Variants in UNC5B observed in about 807,000 individuals in gnomAD.
UNC5B encodes the protein unc-5 netrin receptor B.
A neutral mutation model predicts 103.7 loss-of-function variants in UNC5B; 56 were observed. The observed-to-expected ratio is 0.54, with a 90% CI of 0.44 to 0.67. The LOEUF is 0.67. Ranked by LOEUF, UNC5B falls within the 30% of genes least tolerant of loss-of-function variation. The probability of loss-of-function intolerance (pLI) is 0.00; values close to 1 mark genes in which losing one functional copy is unlikely to be tolerated. For missense variants in UNC5B, 1,194 were observed against 1,284.5 expected (o/e 0.93, Z 1.08); for synonymous variants, 577 against 542.0 (o/e 1.06, Z -0.90).
intron 1 of UNC5B, among the ~76,000 whole-genome samples, chr10:71,271,417 G>T (rs751989672): frequency 1.2e-4 from 19 of 152,192 alleles, no homozygotes; most frequent in Non-Finnish European, 2.6e-4. Flanking sequence ...GAGAAGAAGG[G>T]GAAACAGAAT....
chr10:71,263,772 C>T (rs1589175496), intron 1 of UNC5B, among the ~76,000 whole-genome samples: 2 of 152,260 alleles, frequency 1.3e-5, no homozygotes, highest in East Asian at 3.9e-4. Context: ...AGCAAATGAC[C>T]ATCCCCTCTC....
chr10:71,249,459 G>A (rs760412247), intron 1 of UNC5B, among the ~76,000 whole-genome samples: 1 of 152,258 alleles, frequency 6.6e-6, no homozygotes, highest in East Asian at 1.9e-4. Flanking sequence ...AACCCTATGT[G>A]TGAGTGTATA....
chr10:71,296,734 C>G lies in UNC5B; in HGVS notation c.2482C>G (p.Leu828Val), dbSNP rs1223844745. The G allele has an allele frequency of 6.2e-7, 1 of 1,605,802 alleles. No homozygotes were observed. ...EGQIFQLHTT[L>V]AETPAGSLDT... ...CCAGATATTCCAGCTGCATACCACT[C>G]TGGCAGAGGTGAGGGAAGTCGGGGC... Residue 828 changes from leucine (L) to valine (V), a missense_variant, in exon 15 of 17, where the codon CTG becomes GTG. Leu to Val is a conservative substitution (Grantham distance 32). Transcript: ENST00000335350.
rs1281848221 is a variant in UNC5B at position 71,291,658 on chromosome 10, G to A, written c.1521G>A (p.Pro507=). 6 of 1,613,764 alleles carry A rather than the reference G, an allele frequency of 3.7e-6. No homozygotes were observed. The highest frequency in any genetic ancestry group is 2.2e-5 in the East Asian group (1 of 44,882). ...ADGADLLGVL[P]PGTYPSDFAR... is the part of the protein sequence containing the mutation. ...GGGCTGACCTGCTGGGGGTCTTGCCGCCTGGCACATACCCTAGCGATTTCG... is the reference window on the plus strand; with the variant it reads ...GGGCTGACCTGCTGGGGGTCTTGCCACCTGGCACATACCCTAGCGATTTCG... Residue 507 remains proline (P), a synonymous_variant, in exon 10 of 17, where the codon CCG becomes CCA. Coordinates refer to ENST00000335350, the MANE Select transcript of UNC5B (RefSeq NM_170744.5).
At chr10:71,279,031 T>C (rs112175975) in intron 1 of UNC5B, among the ~76,000 whole-genome samples, 4 of 152,282 alleles carry the variant, frequency 2.6e-5, no homozygotes, top group African/African-American at 9.6e-5. Context: ...GGCCAGGATT[T>C]CCATCTGGCC....
chr10:71,293,664 CTG>C (rs779870811), intron 12 of UNC5B, 34 bp from the exon 13 acceptor site: 35 of 1,601,622 alleles, frequency 2.2e-5, no homozygotes, highest in Non-Finnish European at 3.0e-5. Context: ...GCCTGAATAA[CTG>C]TGACCACTAC....
intron 1 of UNC5B, among the ~76,000 whole-genome samples, chr10:71,271,159 G>A (rs577953576): frequency 2.0e-4 from 31 of 152,338 alleles, no homozygotes; most frequent in African/African-American, 6.7e-4. Context: ...CAGCAAGCTA[G>A]GGAGCTCCTG....
intron 1 of UNC5B, among the ~76,000 whole-genome samples, chr10:71,255,448 A>G (rs1017259617): frequency 6.6e-6 from 1 of 152,162 alleles, no homozygotes; most frequent in Non-Finnish European, 1.5e-5. Flanking sequence ...CAGACTTCCA[A>G]ATGTCACCGG....
At chr10:71,215,463 C>G (rs910123564) in intron 1 of UNC5B, among the ~76,000 whole-genome samples, 2 of 152,164 alleles carry the variant, frequency 1.3e-5, no homozygotes, top group African/African-American at 4.8e-5. Context: ...CTCCTTTTCC[C>G]CACCCCACCC....
chr10:71,253,523 A>G (rs967391217), intron 1 of UNC5B, among the ~76,000 whole-genome samples: 2 of 152,180 alleles, frequency 1.3e-5, no homozygotes, highest in Non-Finnish European at 2.9e-5. Flanking sequence ...ACTGCTCCCC[A>G]GCATTGTTTT....
chr10:71,263,354 G>A (rs912000994), intron 1 of UNC5B, among the ~76,000 whole-genome samples: 1 of 152,186 alleles, frequency 6.6e-6, no homozygotes, highest in Non-Finnish European at 1.5e-5. Flanking sequence ...CAAGCCTGAG[G>A]TTTTGAGGAG....
chr10:71,298,145 CA>C, intron 16 of UNC5B, 55 bp downstream of exon 16: 1 of 1,525,394 alleles, frequency 6.6e-7, no homozygotes, highest in Non-Finnish European at 8.8e-7. Context: ...CAAGGTCTCA[CA>C]GGGGCAGGCA....
chr10:71,263,405 C>T (rs1844457155), intron 1 of UNC5B, among the ~76,000 whole-genome samples: 1 of 152,142 alleles, frequency 6.6e-6, no homozygotes, highest in Non-Finnish European at 1.5e-5. Context: ...CGGGATGCCC[C>T]TGATGACTGA....
chr10:71,290,341 T>A (rs1303215968), intron 8 of UNC5B, among the ~76,000 whole-genome samples: 1 of 152,134 alleles, frequency 6.6e-6, no homozygotes. Flanking sequence ...CCTGGGCCCA[T>A]CCTTCTTCCC....
chr10:71,281,343 T>A (rs77961850), intron 2 of UNC5B, among the ~76,000 whole-genome samples: 1 of 84,974 alleles, frequency 1.2e-5, no homozygotes, highest in Non-Finnish European at 2.2e-5. Flanking sequence ...GAAAAAGGAA[T>A]TTTTTTTTTT....
chr10:71,224,364 GACACACACACACACACAC>G (rs58378731), intron 1 of UNC5B, among the ~76,000 whole-genome samples: 74 of 97,348 alleles, frequency 7.6e-4, no homozygotes, highest in Middle Eastern at 5.1e-3. Flanking sequence ...TCTGTATGTA[GACACACACACACACACAC>G]ACACACACAC....
rs553386049 is a variant in UNC5B at position 71,271,109 on chromosome 10, G to A, written c.80-8712G>A. The stretch of plus-strand genomic sequence containing the variant: ...GGGGCAGGTCCACAGAGCAAGGGAA[G>A]CCAAGTGCTGGAGTCAGGAAGCTGA... On this transcript the variant is annotated intron_variant, in intron 1 of 16. Transcript: ENST00000335350. Among the ~76,000 whole-genome samples, 195 of 152,322 alleles carry A rather than the reference G, an allele frequency of 1.3e-3. 1 individual carries two copies. Among genetic ancestry groups the A allele is most frequent in the African/African-American group, 4.5e-3 (188 of 41,568 alleles).
Position 71,227,372 on chromosome 10 carries a change from G to A in UNC5B, c.79+14308G>A, listed in dbSNP as rs543672990. Among the ~76,000 whole-genome samples, 3 of 151,932 alleles carry A rather than the reference G, an allele frequency of 2.0e-5. No individual in the cohort carries two copies. In the East Asian group the frequency reaches 5.8e-4, roughly 29 times the overall value. On this transcript the variant is annotated intron_variant, in intron 1 of 16. Transcript: ENST00000335350. ...TTGTAAGTGGGAGCTAAGCTATGAG[G>A]ATGCAAAAGCATAAGAATGATATAA...
At chr10:71,292,597 CCCTTGCTG>C (rs747063608) in intron 11 of UNC5B, 43 bp downstream of exon 11, 5 of 1,539,050 alleles carry the variant, frequency 3.2e-6, no homozygotes, top group Non-Finnish European at 4.4e-6. Flanking sequence ...TTCCTCCCAT[CCCTTGCTG>C]CCTGCCCACA....
Sources: allele counts gnomAD v4.1 joint callset (sites outside exome capture counted in the v4.1 genomes callset), GRCh38; gene constraint gnomAD v4.1.1; transcripts MANE v1.5; gene names NCBI Gene and HGNC (gene_info 2026-07-23, HGNC 2026-07-21).